UBR3: variants seen among roughly 807,000 people sequenced by gnomAD.
UBR3 encodes ubiquitin protein ligase E3 component n-recognin 3, also known as E3 ubiquitin-protein ligase UBR3.
In UBR3, 85 loss-of-function variants were observed where a neutral mutation model predicts 243.2. The ratio of observed to expected loss-of-function variants is 0.35; its 90% CI spans 0.29 to 0.42. UBR3 has a LOEUF of 0.42. Among genes scored for constraint, UBR3 ranks in the 10% least tolerant of loss-of-function variants. The pLI is 1.00. For missense variants in UBR3, 1,686 were observed against 2,300.8 expected (o/e 0.73, Z 5.47); for synonymous variants, 748 against 799.8 (o/e 0.94, Z 1.09).
At chr2:170,059,305 A>G (rs1489492836) in intron 33 of UBR3, among the ~76,000 whole-genome samples, 1 of 152,224 alleles carries the variant, frequency 6.6e-6, no homozygotes, top group Non-Finnish European at 1.5e-5. Flanking sequence ...TCAGTGACTT[A>G]CTTAGCTGAT....
At chr2:170,053,792 G>A (rs1430202394) in intron 32 of UBR3, among the ~76,000 whole-genome samples, 1 of 152,202 alleles carries the variant, frequency 6.6e-6, no homozygotes, top group African/African-American at 2.4e-5. Flanking sequence ...TCCAGCAACT[G>A]ATTAAATGGT....
At chr2:169,952,887 T>C (rs977022792) in intron 23 of UBR3, among the ~76,000 whole-genome samples, 4 of 152,124 alleles carry the variant, frequency 2.6e-5, no homozygotes, top group Non-Finnish European at 4.4e-5. Context: ...TAGCCTAGAA[T>C]GTAATAAATC....
chr2:169,932,710 CAA>C (rs2086182312), intron 18 of UBR3, among the ~76,000 whole-genome samples, 200 bp from the exon 19 acceptor site: 2 of 152,146 alleles, frequency 1.3e-5, no homozygotes, highest in African/African-American at 2.4e-5. Context: ...TTGCTGAACT[CAA>C]GAGAACATTC....
Position 169,878,531 on chromosome 2 carries a change from T to C in UBR3, c.995T>C (p.Ile332Thr). The C allele has an allele frequency of 1.3e-6, 2 of 1,551,316 alleles. No individual in the cohort carries two copies. The highest frequency in any genetic ancestry group is 1.4e-5 in the African/African-American group (1 of 73,166). Reference protein sequence around the residue: ...GTSSLAVQGFIGATGTLGQVD... With the variant: ...GTSSLAVQGFTGATGTLGQVD... The stretch of plus-strand genomic sequence containing the variant: ...TTTTTCTTCTCCTCCAAAGGTTTCA[T>C]AGGCGCAACAGGAACTTTGGGACAA... Residue 332 changes from isoleucine (I) to threonine (T), a missense_variant, in exon 5 of 39, where the codon ATA becomes ACA. Ile to Thr is a moderately conservative substitution (Grantham distance 89, BLOSUM62 -1). Around this residue, in one of 8 missense-constraint regions of UBR3, gnomAD observed 200 missense variants for 231.6 expected, o/e 0.86. Coordinates refer to ENST00000272793, the MANE Select transcript of UBR3 (RefSeq NM_172070.4).
At chr2:169,889,418 C>T (rs1196164979) in intron 5 of UBR3, among the ~76,000 whole-genome samples, 1 of 152,086 alleles carries the variant, frequency 6.6e-6, no homozygotes, top group Non-Finnish European at 1.5e-5. Context: ...ACATGTTTTT[C>T]CAAGTTTGCC....
chr2:170,070,495 C>T (rs564864141), intron 35 of UBR3, among the ~76,000 whole-genome samples: 1 of 151,694 alleles, frequency 6.6e-6, no homozygotes, highest in East Asian at 1.9e-4. Context: ...GGCAGGTAGG[C>T]AAGAAAAAGA....
chr2:169,845,422 CAA>C (rs1201691579), intron 1 of UBR3, among the ~76,000 whole-genome samples: 5 of 73,998 alleles, frequency 6.8e-5, no homozygotes, highest in Admixed American at 2.9e-4. Flanking sequence ...GACCCCATCT[CAA>C]AAAAAAAAAA....
In UBR3 at chr2:169,938,587, G is replaced by T. The variant is rs77824223; in HGVS notation, c.2664-3906G>T. Among the ~76,000 whole-genome samples, 18 of 152,242 alleles carry T rather than the reference G, an allele frequency of 1.2e-4. No homozygotes were observed. The East Asian group carries it at 3.3e-3, about 28-fold the overall frequency. On this transcript the variant is annotated intron_variant, in intron 19 of 38. Transcript: ENST00000272793. ...TGTAAATGTTTTCTGTCATTCTGTGGATTGTCTTTTTCACTTACTTGAAAG... is the reference window on the plus strand; with the variant it reads ...TGTAAATGTTTTCTGTCATTCTGTGTATTGTCTTTTTCACTTACTTGAAAG...
intron 35 of UBR3, among the ~76,000 whole-genome samples, chr2:170,063,870 C>A (rs1355636725): frequency 6.6e-6 from 1 of 152,128 alleles, no homozygotes; most frequent in Non-Finnish European, 1.5e-5. Flanking sequence ...TATAAAGTTT[C>A]TCTGGGCTGT....
At position 170,078,293 on chromosome 2, in the gene UBR3, A is replaced by G. The variant is rs142149032; in HGVS notation, c.5200-1521A>G. 8 of 349,632 alleles carry G rather than the reference A, an allele frequency of 2.3e-5. No individual in the cohort carries two copies. The East Asian group carries it at 7.1e-4, about 31-fold the overall frequency. 21.7% of individuals were successfully genotyped at this position (349,632 alleles called of 1,614,324 possible). The stretch of plus-strand genomic sequence containing the variant: ...TAATTCAATATATTTGATCTGTGGC[A>G]TGGCACAGGCGCAGCCCCTGGGGTG... On this transcript the variant is annotated intron_variant, in intron 36 of 38. Coordinates refer to ENST00000272793, the MANE Select transcript of UBR3 (RefSeq NM_172070.4).
rs376497212 is a variant in UBR3 at position 170,054,375 on chromosome 2, G to A, written c.4661-1085G>A. Among the ~76,000 whole-genome samples the A allele has an allele frequency of 1.0e-3, 158 of 151,274 alleles. 2 individuals carry two copies. The Middle Eastern group carries it at 0.027, about 26-fold the overall frequency. On this transcript the variant is annotated intron_variant, in intron 32 of 38. Transcript: ENST00000272793. Reference sequence around the variant, plus strand: ...TGGCTCACTGCAACCTCCGCCTCCCGGGTTCAAGCGATTCTCCTGCCTCAG... The same window carrying A: ...TGGCTCACTGCAACCTCCGCCTCCCAGGTTCAAGCGATTCTCCTGCCTCAG...
intron 35 of UBR3, 54 bp from the exon 36 acceptor site, chr2:170,073,373 AT>A: frequency 6.3e-7 from 1 of 1,599,140 alleles, no homozygotes; most frequent in South Asian, 1.1e-5. Flanking sequence ...CTTTTATGTA[AT>A]AGGAAATGTT....
intron 31 of UBR3, 146 bp downstream of exon 31, chr2:170,029,594 C>T: frequency 1.6e-6 from 1 of 641,588 alleles, no homozygotes; most frequent in East Asian, 3.1e-5. Flanking sequence ...GAATTGAAAA[C>T]AGTTTACCAT....
intron 19 of UBR3, among the ~76,000 whole-genome samples, chr2:169,936,128 C>T (rs1406291776): frequency 1.3e-5 from 2 of 152,040 alleles, no homozygotes; most frequent in African/African-American, 2.4e-5. Flanking sequence ...GGCATGATCT[C>T]GGCTCACCGC....
At chr2:169,980,932 AAAAC>A (rs1417736532) in intron 24 of UBR3, among the ~76,000 whole-genome samples, 4 of 151,544 alleles carry the variant, frequency 2.6e-5, no homozygotes, top group Non-Finnish European at 4.4e-5. Context: ...GGGGTACTCA[AAAAC>A]AAACAACCCC....
chr2:170,067,126 T>C (rs2105451614), intron 35 of UBR3, among the ~76,000 whole-genome samples: 1 of 152,146 alleles, frequency 6.6e-6, no homozygotes, highest in African/African-American at 2.4e-5. Context: ...AACATTTAGT[T>C]TGAACCCTGA....
chr2:169,918,519 G>A (rs1405657655), intron 11 of UBR3, among the ~76,000 whole-genome samples: 1 of 147,074 alleles, frequency 6.8e-6, no homozygotes, highest in East Asian at 2.0e-4. Flanking sequence ...ACAGGGTCTC[G>A]CCATCTTGCC....
intron 11 of UBR3, among the ~76,000 whole-genome samples, chr2:169,923,699 C>T (rs193018329): frequency 1.2e-3 from 182 of 152,188 alleles, no homozygotes; most frequent in African/African-American, 4.1e-3. Flanking sequence ...TCAGAGGATT[C>T]AAAGTTGAGT....
At chr2:169,871,617 G>A in intron 1 of UBR3, among the ~76,000 whole-genome samples, 1 of 151,530 alleles carries the variant, frequency 6.6e-6, no homozygotes, top group East Asian at 1.9e-4. Flanking sequence ...GTGTGGTGGT[G>A]CACACCTGTA....
Sources: allele counts gnomAD v4.1 joint callset (sites outside exome capture counted in the v4.1 genomes callset), GRCh38; gene constraint gnomAD v4.1.1; regional missense constraint gnomAD v4.1.1; transcripts MANE v1.5; gene names NCBI Gene and HGNC (gene_info 2026-07-23, HGNC 2026-07-21).